Variants in CGNL1 observed in about 807,000 individuals in gnomAD.
CGNL1 encodes the protein cingulin-like protein 1.
In CGNL1, 132 loss-of-function variants were observed where a neutral mutation model predicts 141.2. The observed-to-expected ratio is 0.93, with a 90% CI of 0.81 to 1.08. CGNL1 has a LOEUF of 1.08. Ranked by LOEUF, CGNL1 falls within the 50% of genes least tolerant of loss-of-function variation. The pLI is 0.00. For synonymous variants in CGNL1, 690 were observed against 622.1 expected (o/e 1.11, Z -1.63); for missense variants, 1,870 against 1,588.6 (o/e 1.18, Z -3.01).
chr15:57,506,814 C>T (rs1273511794), intron 8 of CGNL1, among the ~76,000 whole-genome samples: 2 of 152,206 alleles, frequency 1.3e-5, no homozygotes, highest in African/African-American at 4.8e-5. Flanking sequence ...CATAATGTCT[C>T]AATTCATTTT....
chr15:57,444,307 T>C (rs1433246040), intron 4 of CGNL1, among the ~76,000 whole-genome samples: 1 of 152,242 alleles, frequency 6.6e-6, no homozygotes, highest in East Asian at 1.9e-4. Context: ...TTTTCCATTG[T>C]ATCTGTATAA....
chr15:57,545,049 C>T (rs749783601), intron 16 of CGNL1, among the ~76,000 whole-genome samples: 2 of 152,158 alleles, frequency 1.3e-5, no homozygotes, highest in Non-Finnish European at 1.5e-5. Context: ...GTGGGAGGGA[C>T]ATGGGATCAA....
At chr15:57,420,694 C>A (rs557981183) in intron 1 of CGNL1, among the ~76,000 whole-genome samples, 2 of 152,322 alleles carry the variant, frequency 1.3e-5, no homozygotes, top group South Asian at 4.1e-4. Context: ...GCATGTTTTT[C>A]TATCACCTCC....
At chr15:57,458,453 G>C (rs1331223442) in intron 7 of CGNL1, among the ~76,000 whole-genome samples, 2 of 152,186 alleles carry the variant, frequency 1.3e-5, no homozygotes, top group African/African-American at 4.8e-5. Flanking sequence ...TTAAGCAACA[G>C]ATAACAGCAT....
chr15:57,537,715 A>G (rs1025278754), intron 14 of CGNL1, among the ~76,000 whole-genome samples: 6 of 152,200 alleles, frequency 3.9e-5, no homozygotes, highest in Admixed American at 2.6e-4. Context: ...GAGCTGGCTC[A>G]GGTCATGGGT....
chr15:57,426,788 C>T (rs2062980511), intron 1 of CGNL1, among the ~76,000 whole-genome samples: 1 of 152,084 alleles, frequency 6.6e-6, no homozygotes, highest in African/African-American at 2.4e-5. Context: ...TGAAAGGAGA[C>T]ATGAATGGTC....
intron 8 of CGNL1, among the ~76,000 whole-genome samples, chr15:57,463,738 C>T (rs2063474647): frequency 6.6e-6 from 1 of 152,222 alleles, no homozygotes; most frequent in Admixed American, 6.5e-5. Flanking sequence ...GAAGAAGTCC[C>T]TTCTCTGCCT....
chr15:57,481,825 A>G (rs1167393509), intron 8 of CGNL1, among the ~76,000 whole-genome samples: 2 of 152,198 alleles, frequency 1.3e-5, no homozygotes, highest in Admixed American at 1.3e-4. Flanking sequence ...TTTAGCTTTT[A>G]AAGAACCTGC....
intron 3 of CGNL1, 25 bp from the exon 4 acceptor site, chr15:57,442,348 G>A (rs774086493): frequency 4.7e-6 from 7 of 1,480,560 alleles, no homozygotes; most frequent in Non-Finnish European, 6.6e-6. Flanking sequence ...GTCCCTCATT[G>A]TTTTCTCTGC....
Position 57,438,640 on chromosome 15 carries a change from C to T in CGNL1, c.641C>T (p.Thr214Ile), listed in dbSNP as rs1363019761. 2 of 1,614,010 alleles carry T rather than the reference C, an allele frequency of 1.2e-6. No individual in the cohort carries two copies. The highest frequency in any genetic ancestry group is 1.7e-5 in the Admixed American group (1 of 60,000). The change falls in exon 2 of 19, where the codon ACA becomes ATA. Residue 214 changes from threonine (T) to isoleucine (I), a missense_variant. Coordinates refer to ENST00000281282, the MANE Select transcript of CGNL1 (RefSeq NM_032866.5). ...SLEDPAKSGV[T>I]AIRLCSSVVI... Reference sequence around the variant, plus strand: ...GAAGACCCGGCCAAATCTGGTGTGACAGCTATTCGTTTATGCAGCTCCGTG... The same window carrying T: ...GAAGACCCGGCCAAATCTGGTGTGATAGCTATTCGTTTATGCAGCTCCGTG...
In CGNL1 at chr15:57,439,731, C is replaced by A. The variant is rs1332700204; in HGVS notation, c.1602+130C>A. The A allele has an allele frequency of 3.2e-6, 3 of 946,156 alleles. No homozygotes were observed. The African/African-American group carries it at 5.0e-5, about 16-fold the overall frequency. The allele number at this position is 946,156 out of a possible 1,614,324, so 58.6% of individuals were successfully genotyped here. A position where few individuals can be genotyped will look rare whatever the true frequency, so the allele number is the denominator to read the frequency against. On this transcript the variant is annotated intron_variant, in intron 2 of 18. Transcript: ENST00000281282. The stretch of plus-strand genomic sequence containing the variant: ...TTGTATCAGGAATCACACAGCTGAT[C>A]TGTTTCAGGATCCAGTTGTGTCCTA...
At chr15:57,404,588 T>C (rs939960466) in intron 1 of CGNL1, among the ~76,000 whole-genome samples, 5 of 152,202 alleles carry the variant, frequency 3.3e-5, no homozygotes, top group Admixed American at 6.5e-5. Flanking sequence ...CTGCAGCTAC[T>C]TGGCTGTGGG....
chr15:57,543,656 A>T (rs757193600), intron 14 of CGNL1, 40 bp from the exon 15 acceptor site: 13 of 1,522,730 alleles, frequency 8.5e-6, no homozygotes, highest in Non-Finnish European at 1.2e-5. Context: ...ATACAGGAAC[A>T]GTCCTTCTAA....
At chr15:57,498,185 CTTGTG>C (rs2063969244) in intron 8 of CGNL1, among the ~76,000 whole-genome samples, 1 of 149,276 alleles carries the variant, frequency 6.7e-6, no homozygotes, top group Admixed American at 6.7e-5. Flanking sequence ...AATATATAGT[CTTGTG>C]TTGTGCTTTG....
chr15:57,439,447 G>A lies in CGNL1; in HGVS notation c.1448G>A (p.Arg483His), dbSNP rs2063156154. 6.2e-7 allele frequency: 1 copy of A among 1,614,202 alleles called. No homozygotes were observed. Among genetic ancestry groups the A allele is most frequent in the Non-Finnish European group, 8.5e-7 (1 of 1,180,028 alleles). ...TEGSQESTVI[R>H]APSLGAQSKK... ...GGTAGTCAGGAAAGTACAGTGATCC[G>A]TGCGCCCTCCCTTGGTGCACAGAGT... The change falls in exon 2 of 19, where the codon CGT (arginine) becomes CAT (histidine). Residue 483 changes from arginine (R) to histidine (H), a missense_variant. By Grantham distance (29) the Arg-to-His change is conservative. Transcript: ENST00000281282.
intron 8 of CGNL1, among the ~76,000 whole-genome samples, chr15:57,464,208 A>G (rs992841246): frequency 5.3e-5 from 8 of 151,902 alleles, no homozygotes; most frequent in Non-Finnish European, 1.0e-4. Flanking sequence ...AGCTGGCTGG[A>G]GGGCATGTCC....
intron 7 of CGNL1, among the ~76,000 whole-genome samples, chr15:57,454,370 C>A (rs1396418225): frequency 6.6e-6 from 1 of 152,178 alleles, no homozygotes; most frequent in Non-Finnish European, 1.5e-5. Context: ...TACTTCCTCC[C>A]TCTTTGGGCT....
chr15:57,474,185 A>T (rs1339114252), intron 8 of CGNL1, among the ~76,000 whole-genome samples: 6 of 152,098 alleles, frequency 3.9e-5, no homozygotes, highest in African/African-American at 1.4e-4. Context: ...TTCTGGGATT[A>T]CAGGTGTAAG....
At chr15:57,388,009 A>C (rs190313548) in intron 1 of CGNL1, among the ~76,000 whole-genome samples, 50 of 152,334 alleles carry the variant, frequency 3.3e-4, no homozygotes, top group African/African-American at 9.6e-4. Flanking sequence ...ATGTAAAACC[A>C]GCTCCTTGGA....
Sources: allele counts gnomAD v4.1 joint callset (sites outside exome capture counted in the v4.1 genomes callset), GRCh38; gene constraint gnomAD v4.1.1; transcripts MANE v1.5; gene names NCBI Gene and HGNC (gene_info 2026-07-23, HGNC 2026-07-21).